Variants in PDE7B observed in about 807,000 individuals in gnomAD.
PDE7B encodes the protein 3',5'-cyclic-AMP phosphodiesterase 7B.
PDE7B carries 29 observed loss-of-function variants against 56.2 expected under a neutral mutation model. The ratio of observed to expected loss-of-function variants is 0.52; its 90% CI spans 0.38 to 0.70. The LOEUF (loss-of-function observed/expected upper bound fraction) is 0.70. Ranked by LOEUF, PDE7B falls within the 30% of genes least tolerant of loss-of-function variation. The pLI is 0.00. For missense variants in PDE7B, 490 were observed against 565.0 expected (o/e 0.87, Z 1.35); for synonymous variants, 197 against 196.9 (o/e 1.00, Z 0.00).
chr6:136,095,312 C>T (rs1583877965), intron 2 of PDE7B, among the ~76,000 whole-genome samples: 1 of 151,874 alleles, frequency 6.6e-6, no homozygotes, highest in Non-Finnish European at 1.5e-5. Flanking sequence ...GTATAATATG[C>T]AATATCAAAT....
chr6:135,996,415 A>G (rs1275590436), intron 2 of PDE7B, among the ~76,000 whole-genome samples: 1 of 152,202 alleles, frequency 6.6e-6, no homozygotes, highest in African/African-American at 2.4e-5. Flanking sequence ...TATGTGATAG[A>G]TTTAGATTCC....
chr6:135,990,465 G>T (rs1185573331), intron 2 of PDE7B, among the ~76,000 whole-genome samples: 1 of 152,154 alleles, frequency 6.6e-6, no homozygotes, highest in Non-Finnish European at 1.5e-5. Flanking sequence ...TGAGCTTTGG[G>T]TTCTTTGGGA....
chr6:136,154,215 T>G, intron 7 of PDE7B, 40 bp downstream of exon 7: 1 of 1,341,134 alleles, frequency 7.5e-7, no homozygotes, highest in Non-Finnish European at 1.1e-6. Flanking sequence ...CACCTGGAAA[T>G]GCCAAGGAAA....
intron 9 of PDE7B, among the ~76,000 whole-genome samples, chr6:136,177,752 A>G (rs72975535): frequency 0.025 from 3,879 of 152,266 alleles, 71 homozygotes; most frequent in Non-Finnish European, 0.04. Context: ...CTGTCATCCA[A>G]TTATTGCATT....
intron 8 of PDE7B, among the ~76,000 whole-genome samples, chr6:136,163,211 T>C (rs1778738154): frequency 6.6e-6 from 1 of 152,248 alleles, no homozygotes; most frequent in Admixed American, 6.5e-5. Context: ...TGCCTGGACA[T>C]ACAGGCATTT....
intron 3 of PDE7B, among the ~76,000 whole-genome samples, chr6:136,136,544 G>GA (rs1040895806): frequency 3.3e-5 from 5 of 151,880 alleles, no homozygotes; most frequent in Admixed American, 6.6e-5. Flanking sequence ...ATTGTACATT[G>GA]AAAAAATAAC....
intron 8 of PDE7B, among the ~76,000 whole-genome samples, chr6:136,166,085 G>T (rs1047866359): frequency 5.3e-5 from 8 of 151,994 alleles, no homozygotes; most frequent in Non-Finnish European, 8.8e-5. Context: ...TTTTATTGTT[G>T]TTACTGCTTA....
intron 9 of PDE7B, among the ~76,000 whole-genome samples, chr6:136,175,075 C>T (rs909401170): frequency 1.5e-4 from 23 of 152,138 alleles, no homozygotes; most frequent in African/African-American, 5.1e-4. Context: ...GGTGACCAGA[C>T]TTCTCCTGGT....
Position 136,064,752 on chromosome 6 carries a change from T to C in PDE7B, c.83-43979T>C, listed in dbSNP as rs139752530. 3 of 152,314 alleles carry C rather than the reference T, an allele frequency of 2.0e-5. No homozygotes were observed. The East Asian group carries it at 5.8e-4, about 29-fold the overall frequency. 9.4% of individuals were successfully genotyped at this position (152,314 alleles called of 1,614,324 possible). ...TGTCTTTAGCTTAATTGTCACTCTT[T>C]CTGGAGGGCCTTTCCTGATGTCCCG... On this transcript the variant is annotated intron_variant, in intron 2 of 12. Transcript: ENST00000308191.
intron 2 of PDE7B, among the ~76,000 whole-genome samples, chr6:135,999,063 A>G (rs754653445): frequency 1.3e-5 from 2 of 152,174 alleles, no homozygotes; most frequent in Non-Finnish European, 2.9e-5. Flanking sequence ...ACTCCTAGGC[A>G]AAGAGAGAAG....
chr6:136,180,277 G>T (rs1019312244), intron 10 of PDE7B, among the ~76,000 whole-genome samples: 2 of 152,162 alleles, frequency 1.3e-5, no homozygotes, highest in Non-Finnish European at 1.5e-5. Flanking sequence ...GATCAACCAG[G>T]TGTCTGATTT....
At chr6:136,141,848 TTC>T (rs951187833) in intron 3 of PDE7B, among the ~76,000 whole-genome samples, 5 of 152,214 alleles carry the variant, frequency 3.3e-5, no homozygotes, top group Admixed American at 2.0e-4. Flanking sequence ...TATTTGATTC[TTC>T]TCTCTTATTC....
intron 4 of PDE7B, 58 bp downstream of exon 4, chr6:136,147,560 G>A (rs1181353433): frequency 2.4e-5 from 35 of 1,473,918 alleles, no homozygotes; most frequent in Non-Finnish European, 3.3e-5. Flanking sequence ...ATGTGCCTCA[G>A]CTGATAGCAC....
chr6:136,052,419 T>G (rs974957016), intron 2 of PDE7B, among the ~76,000 whole-genome samples: 1 of 151,920 alleles, frequency 6.6e-6, no homozygotes, highest in African/African-American at 2.4e-5. Flanking sequence ...TCCTGAAGAG[T>G]TGAAGTAAAT....
intron 2 of PDE7B, among the ~76,000 whole-genome samples, chr6:135,976,933 C>A (rs1775196085): frequency 6.6e-6 from 1 of 152,110 alleles, no homozygotes; most frequent in Non-Finnish European, 1.5e-5. Flanking sequence ...GCATTGATGT[C>A]TTTACCTAGT....
intron 1 of PDE7B, among the ~76,000 whole-genome samples, chr6:135,857,353 A>G (rs1240299773): frequency 6.6e-6 from 1 of 152,142 alleles, no homozygotes; most frequent in African/African-American, 2.4e-5. Context: ...TTTCTACAAG[A>G]TGAAAATTAT....
intron 2 of PDE7B, among the ~76,000 whole-genome samples, chr6:136,027,224 C>T (rs75190083): frequency 0.027 from 4,105 of 152,288 alleles, 74 homozygotes; most frequent in Non-Finnish European, 0.042. Context: ...TTATAGCAGC[C>T]CAAGCTAACT....
chr6:135,891,384 C>T (rs1415692152), intron 1 of PDE7B, among the ~76,000 whole-genome samples: 1 of 152,080 alleles, frequency 6.6e-6, no homozygotes, highest in Non-Finnish European at 1.5e-5. Context: ...AATGTATTTG[C>T]CAGATGTTGA....
rs554963743 is a variant in PDE7B at position 135,957,247 on chromosome 6, G to T, written c.82+9723G>T. 9.2e-5 allele frequency among the ~76,000 whole-genome samples: 14 copies of T among 152,182 alleles called. No individual in the cohort carries two copies. The South Asian group carries it at 2.9e-3, about 32-fold the overall frequency. On this transcript the variant is annotated intron_variant, in intron 2 of 12. Transcript: ENST00000308191. Reference sequence around the variant, plus strand: ...TGTTCTGATGAGCTTAAGGAGAGGAGCAGGTGAATGCAAGCATACAGAACT... The same window carrying T: ...TGTTCTGATGAGCTTAAGGAGAGGATCAGGTGAATGCAAGCATACAGAACT...
Sources: gnomAD v4.1 joint callset for allele counts (sites outside exome capture counted in the v4.1 genomes callset) on GRCh38, gnomAD v4.1.1 for gene constraint, MANE v1.5 for transcripts, NCBI Gene and HGNC (gene_info 2026-07-23, HGNC 2026-07-21) for gene names.